CACNG2: variants seen among roughly 807,000 people sequenced by gnomAD.
CACNG2 encodes voltage-dependent calcium channel gamma-2 subunit.
In CACNG2, 3 loss-of-function variants were observed where a neutral mutation model predicts 25.9. The observed-to-expected ratio is 0.12, with a 90% confidence interval of 0.05 to 0.30. CACNG2 has a LOEUF of 0.30. CACNG2 is among the 10% of genes least tolerant of loss of function. CACNG2 has a pLI of 1.00. For synonymous variants in CACNG2, 167 were observed against 173.3 expected (o/e 0.96, Z 0.29); for missense variants, 341 against 432.5 (o/e 0.79, Z 1.88).
At chr22:36,642,126 G>T (rs1474498007) in intron 1 of CACNG2, among the ~76,000 whole-genome samples, 1 of 152,194 alleles carries the variant, frequency 6.6e-6, no homozygotes, top group Non-Finnish European at 1.5e-5. Flanking sequence ...AGGGTATAAA[G>T]ATCTCAAGGC....
At chr22:36,663,611 T>G (rs747746657) in intron 1 of CACNG2, among the ~76,000 whole-genome samples, 1 of 152,202 alleles carries the variant, frequency 6.6e-6, no homozygotes, top group Non-Finnish European at 1.5e-5. Flanking sequence ...CCTTTAATCT[T>G]TATTAATGCG....
chr22:36,665,009 C>T (rs1936855429), intron 1 of CACNG2, among the ~76,000 whole-genome samples: 1 of 152,122 alleles, frequency 6.6e-6, no homozygotes, highest in Non-Finnish European at 1.5e-5. Flanking sequence ...GTGGGAGGGC[C>T]TGCTAGAAGG....
At chr22:36,661,822 A>C (rs574257003) in intron 1 of CACNG2, among the ~76,000 whole-genome samples, 2 of 152,178 alleles carry the variant, frequency 1.3e-5, no homozygotes, top group Admixed American at 1.3e-4. Context: ...CCTCACTCCC[A>C]TGGAACCTTG....
At chr22:36,650,493 T>C (rs1374838979) in intron 1 of CACNG2, among the ~76,000 whole-genome samples, 1 of 151,934 alleles carries the variant, frequency 6.6e-6, no homozygotes, top group African/African-American at 2.4e-5. Flanking sequence ...TGCCTCAACC[T>C]CCTAAGTATA....
rs79216800 is a variant in CACNG2 at position 36,676,169 on chromosome 22, G to A, written c.211+26197C>T. Among the ~76,000 whole-genome samples the A allele has an allele frequency of 7.4e-4, 113 of 152,304 alleles. 1 individual carries two copies. The highest frequency in any genetic ancestry group is 2.4e-3 in the African/African-American group (101 of 41,550). On this transcript the variant is annotated intron_variant, in intron 1 of 3. Coordinates refer to ENST00000300105, the MANE Select transcript of CACNG2 (RefSeq NM_006078.5). ...TCCCAAATATCTCTTGGGGGTATTTGCTGCCCCAATATGGGTTTTCACAGA... is the reference window on the plus strand; with the variant it reads ...TCCCAAATATCTCTTGGGGGTATTTACTGCCCCAATATGGGTTTTCACAGA...
intron 2 of CACNG2, among the ~76,000 whole-genome samples, chr22:36,569,253 T>G (rs1343761768): frequency 6.6e-6 from 1 of 152,066 alleles, no homozygotes; most frequent in Admixed American, 6.5e-5. Flanking sequence ...AGGGTGTGTT[T>G]TTTTGCCCCA....
chr22:36,579,264 C>T (rs919479557), intron 2 of CACNG2, among the ~76,000 whole-genome samples: 2 of 151,848 alleles, frequency 1.3e-5, no homozygotes, highest in South Asian at 2.1e-4. Flanking sequence ...ATTAGCTGGG[C>T]GTGGTGGCAG....
intron 2 of CACNG2, among the ~76,000 whole-genome samples, chr22:36,578,519 G>T (rs1935362741): frequency 6.6e-6 from 1 of 152,140 alleles, no homozygotes; most frequent in Non-Finnish European, 1.5e-5. Flanking sequence ...CTTGCCAAAG[G>T]TCACAGAGTG....
chr22:36,665,343 C>G (rs181980902), intron 1 of CACNG2, among the ~76,000 whole-genome samples: 1 of 152,290 alleles, frequency 6.6e-6, no homozygotes, highest in East Asian at 1.9e-4. Flanking sequence ...TTCCTCATCT[C>G]CAAGTGCGGA....
intron 1 of CACNG2, among the ~76,000 whole-genome samples, chr22:36,686,086 C>T (rs753041545): frequency 7.9e-5 from 12 of 152,166 alleles, no homozygotes; most frequent in East Asian, 1.9e-4. Flanking sequence ...GGATCTTTGC[C>T]GACATCTGAA....
rs1301784247 is a variant in CACNG2 at position 36,575,828 on chromosome 22, C to T, written c.296-9335G>A. On this transcript the variant is annotated intron_variant, in intron 2 of 3. Coordinates refer to ENST00000300105, the MANE Select transcript of CACNG2 (RefSeq NM_006078.5). ...AATCAGGTATGTAGCGGGCAGGTTC[C>T]TCATTTTCTGTGCCTAGTGTTATGC... Among the ~76,000 whole-genome samples the T allele has an allele frequency of 2.0e-5, 3 of 152,196 alleles. No individual in the cohort carries two copies. The East Asian group carries it at 5.8e-4, about 29-fold the overall frequency.
intron 2 of CACNG2, among the ~76,000 whole-genome samples, chr22:36,580,841 A>AACACGCACAC (rs940984164): frequency 6.6e-6 from 1 of 152,136 alleles, no homozygotes; most frequent in Non-Finnish European, 1.5e-5. Flanking sequence ...TCCTGGACAC[A>AACACGCACAC]ACACGCACAC....
At chr22:36,682,983 G>A (rs969606118) in intron 1 of CACNG2, among the ~76,000 whole-genome samples, 3 of 151,932 alleles carry the variant, frequency 2.0e-5, no homozygotes, top group East Asian at 1.9e-4. Context: ...GCTTCATTGC[G>A]AGAACGCTTA....
intron 2 of CACNG2, among the ~76,000 whole-genome samples, chr22:36,567,430 T>C (rs978578590): frequency 6.6e-6 from 1 of 152,122 alleles, no homozygotes; most frequent in Non-Finnish European, 1.5e-5. Flanking sequence ...TGTGGGGTCG[T>C]GGTCCAGAAG....
intron 1 of CACNG2, among the ~76,000 whole-genome samples, chr22:36,653,435 C>T (rs1281930456): frequency 2.4e-5 from 3 of 126,716 alleles, no homozygotes. Flanking sequence ...GACGATTTAG[C>T]GACCTTAGTT....
intron 1 of CACNG2, among the ~76,000 whole-genome samples, chr22:36,610,392 G>T (rs1359978123): frequency 6.6e-6 from 1 of 151,996 alleles, no homozygotes; most frequent in Non-Finnish European, 1.5e-5. Context: ...GCTCCCCAGA[G>T]CGTGATTGGG....
At chr22:36,697,912 T>A (rs977197312) in intron 1 of CACNG2, among the ~76,000 whole-genome samples, 11 of 152,168 alleles carry the variant, frequency 7.2e-5, no homozygotes, top group Non-Finnish European at 1.2e-4. Context: ...AATTGGATAT[T>A]TTTTTTCTTT....
chr22:36,651,453 TC>T (rs1936614215), intron 1 of CACNG2, among the ~76,000 whole-genome samples: 1 of 152,084 alleles, frequency 6.6e-6, no homozygotes, highest in Non-Finnish European at 1.5e-5. Context: ...GGTCTCGAAC[TC>T]CTGACCTCCA....
At chr22:36,655,285 T>C (rs142918105) in intron 1 of CACNG2, among the ~76,000 whole-genome samples, 69 of 152,322 alleles carry the variant, frequency 4.5e-4, no homozygotes, top group African/African-American at 1.6e-3. Context: ...CAAAATAGTT[T>C]CTATAAGGAG....
Sources: allele counts gnomAD v4.1 joint callset (sites outside exome capture counted in the v4.1 genomes callset), GRCh38; gene constraint gnomAD v4.1.1; transcripts MANE v1.5; gene names NCBI Gene and HGNC (gene_info 2026-07-23, HGNC 2026-07-21).